Variants in RAPGEF2 observed in about 807,000 individuals in gnomAD.
RAPGEF2 encodes Rap guanine nucleotide exchange factor 2.
A neutral mutation model predicts 186.7 loss-of-function variants in RAPGEF2; 54 were observed. The observed-to-expected ratio is 0.29, with a 90% CI of 0.23 to 0.36. The LOEUF (loss-of-function observed/expected upper bound fraction) is 0.36. RAPGEF2 is among the 10% of genes least tolerant of loss of function. The pLI, the probability that RAPGEF2 is intolerant of heterozygous loss-of-function variation, is 1.00. For missense variants in RAPGEF2, 1,532 were observed against 2,045.0 expected (o/e 0.75, Z 4.84); for synonymous variants, 712 against 705.9 (o/e 1.01, Z -0.14).
In RAPGEF2 at chr4:159,278,452, C is replaced by G. The variant is rs145196351; in HGVS notation, c.544-25890C>G. On this transcript the variant is annotated intron_variant, in intron 7 of 29. Transcript: ENST00000691494. ...TGAGTACTGAAATATATTGAAATAA[C>G]TACTCAGGGTTCCACAGGAGCTCTC... Among the ~76,000 whole-genome samples, 212 of 152,302 alleles carry G rather than the reference C, an allele frequency of 1.4e-3. 2 individuals carry two copies. The East Asian group carries it at 0.039, about 28-fold the overall frequency.
At chr4:159,141,104 G>T (rs764747932) in intron 1 of RAPGEF2, among the ~76,000 whole-genome samples, 4 of 152,116 alleles carry the variant, frequency 2.6e-5, no homozygotes, top group Non-Finnish European at 4.4e-5. Flanking sequence ...TGGCCTAAAA[G>T]TACTTTTTTA....
At chr4:159,325,182 GA>G (rs201624669) in intron 11 of RAPGEF2, among the ~76,000 whole-genome samples, 226 of 146,106 alleles carry the variant, frequency 1.5e-3, no homozygotes, top group East Asian at 4.9e-3. Flanking sequence ...CACCATAGAG[GA>G]AAAAAAAAAT....
At position 159,314,572 on chromosome 4, in the gene RAPGEF2, T is replaced by C. The variant is rs1383293296; in HGVS notation, c.676-19T>C. On this transcript the variant is annotated intron_variant, in intron 8 of 29. Transcript: ENST00000691494. ...TATTTACTTAAAATAGTTTTTAATT[T>C]TTGTGTGTGTGTCTTAAGGCCACAG... The C allele has an allele frequency of 6.3e-7, 1 of 1,581,960 alleles. No homozygotes were observed.
intron 1 of RAPGEF2, among the ~76,000 whole-genome samples, chr4:159,154,971 C>T (rs1012865931): frequency 3.9e-5 from 6 of 152,096 alleles, no homozygotes; most frequent in African/African-American, 1.2e-4. Context: ...TAGTATGAAC[C>T]ACTTTTTAAG....
intron 7 of RAPGEF2, among the ~76,000 whole-genome samples, chr4:159,270,120 G>T (rs912106321): frequency 6.6e-6 from 1 of 152,166 alleles, no homozygotes; most frequent in Non-Finnish European, 1.5e-5. Flanking sequence ...TGACACTTTG[G>T]TTAGAACTTG....
chr4:159,164,384 T>C (rs1745077932), intron 1 of RAPGEF2, among the ~76,000 whole-genome samples: 1 of 151,792 alleles, frequency 6.6e-6, no homozygotes, highest in Non-Finnish European at 1.5e-5. Flanking sequence ...AAGAACAAAT[T>C]TGAATGAATG....
chr4:159,227,424 CAATGA>C (rs1752157949), intron 4 of RAPGEF2, among the ~76,000 whole-genome samples: 1 of 152,302 alleles, frequency 6.6e-6, no homozygotes, highest in Admixed American at 6.5e-5. Context: ...CAGCTTTGCA[CAATGA>C]AATGGTGAAC....
At chr4:159,202,613 G>T (rs116150483) in intron 3 of RAPGEF2, among the ~76,000 whole-genome samples, 1 of 151,636 alleles carries the variant, frequency 6.6e-6, no homozygotes, top group South Asian at 2.1e-4. Flanking sequence ...TTCTTTCTTC[G>T]TTTTTTTGGC....
chr4:159,286,288 G>A (rs1436816608), intron 7 of RAPGEF2, among the ~76,000 whole-genome samples: 1 of 152,026 alleles, frequency 6.6e-6, no homozygotes, highest in Non-Finnish European at 1.5e-5. Context: ...ATGAATTGAT[G>A]TTCTTCTCTC....
rs559585474 is a variant in RAPGEF2 at position 159,279,131 on chromosome 4, CA to C, written c.544-25210del. Reference sequence around the variant, plus strand: ...AATGGAAGGCTCCCTTTGTTCCAGGCAGTGTTCGAAACTCTTCATTTATGAT... The same window carrying C: ...AATGGAAGGCTCCCTTTGTTCCAGGCGTGTTCGAAACTCTTCATTTATGAT... On this transcript the variant is annotated intron_variant, in intron 7 of 29. Transcript: ENST00000691494. Among the ~76,000 whole-genome samples, 122 of 152,270 alleles carry C rather than the reference CA, an allele frequency of 8.0e-4. No homozygotes were observed. The East Asian group carries it at 0.019, about 24-fold the overall frequency.
At chr4:159,292,290 C>A (rs1485257661) in intron 7 of RAPGEF2, among the ~76,000 whole-genome samples, 1 of 152,144 alleles carries the variant, frequency 6.6e-6, no homozygotes, top group Non-Finnish European at 1.5e-5. Flanking sequence ...CATGCGAACG[C>A]CACCCTACCT....
At chr4:159,211,041 A>AT (rs2111372613) in intron 4 of RAPGEF2, among the ~76,000 whole-genome samples, 1 of 152,248 alleles carries the variant, frequency 6.6e-6, no homozygotes, top group African/African-American at 2.4e-5. Flanking sequence ...ATGGCCTTTC[A>AT]TTTTTGCATT....
rs1330215190 is a variant in RAPGEF2 at position 159,227,498 on chromosome 4, T to C, written c.282-11311T>C. Among the ~76,000 whole-genome samples the C allele has an allele frequency of 3.3e-5, 5 of 152,228 alleles. No homozygotes were observed. The East Asian group carries it at 9.6e-4, about 29-fold the overall frequency. Reference sequence around the variant, plus strand: ...TACATGCTGAAAAGAAAAGCTGTTATGGACCATAACTTTTATACAAACTGA... The same window carrying C: ...TACATGCTGAAAAGAAAAGCTGTTACGGACCATAACTTTTATACAAACTGA... On this transcript the variant is annotated intron_variant, in intron 4 of 29. Transcript: ENST00000691494.
chr4:159,287,453 C>CAAACT (rs1760648302), intron 7 of RAPGEF2, among the ~76,000 whole-genome samples: 1 of 151,864 alleles, frequency 6.6e-6, no homozygotes, highest in African/African-American at 2.4e-5. Context: ...TTTTGAAGAT[C>CAAACT]AAACTGTCTT....
intron 26 of RAPGEF2, among the ~76,000 whole-genome samples, chr4:159,351,652 C>A (rs1460740304): frequency 6.6e-6 from 1 of 151,942 alleles, no homozygotes; most frequent in Non-Finnish European, 1.5e-5. Flanking sequence ...ATTAAAAATA[C>A]CAAGATAGGG....
At chr4:159,257,107 T>A (rs1309583761) in intron 7 of RAPGEF2, among the ~76,000 whole-genome samples, 1 of 152,204 alleles carries the variant, frequency 6.6e-6, no homozygotes, top group African/African-American at 2.4e-5. Context: ...TGTTTTGTTT[T>A]GTTTTGTTTT....
intron 3 of RAPGEF2, among the ~76,000 whole-genome samples, chr4:159,202,241 G>A (rs1314141136): frequency 6.6e-6 from 1 of 152,134 alleles, no homozygotes; most frequent in African/African-American, 2.4e-5. Context: ...ACTCCCCTGG[G>A]CCGCTTCAGG....
chr4:159,265,171 A>G (rs1757292475), intron 7 of RAPGEF2, among the ~76,000 whole-genome samples: 1 of 152,188 alleles, frequency 6.6e-6, no homozygotes. Context: ...TCACTCAACA[A>G]GAACGTGAGT....
chr4:159,120,167 A>G (rs1190581512), intron 1 of RAPGEF2, among the ~76,000 whole-genome samples: 1 of 151,960 alleles, frequency 6.6e-6, no homozygotes, highest in East Asian at 1.9e-4. Flanking sequence ...TTACAGGTGT[A>G]TGCCACCACA....
Sources: gnomAD v4.1 joint callset for allele counts (sites outside exome capture counted in the v4.1 genomes callset) on GRCh38, gnomAD v4.1.1 for gene constraint, MANE v1.5 for transcripts, NCBI Gene and HGNC (gene_info 2026-07-23, HGNC 2026-07-21) for gene names.